The following SCEL variants were observed in gnomAD, a reference collection of about 807,000 sequenced individuals.
SCEL encodes the protein sciellin.
Under a neutral mutation model 117.6 loss-of-function variants are expected in SCEL, and 113 were observed. That is an observed-to-expected ratio of 0.96 (90% CI 0.83 to 1.12). The LOEUF (loss-of-function observed/expected upper bound fraction) is 1.12, where lower values mean the gene tolerates loss of function less well. Ranked by LOEUF, SCEL falls within the 50% of genes most tolerant of loss-of-function variation. SCEL has a pLI of 0.00. For missense variants in SCEL, 785 were observed against 810.8 expected (o/e 0.97, Z 0.39); for synonymous variants, 270 against 256.2 (o/e 1.05, Z -0.51).
At chr13:77,597,373 G>T (rs1467788177) in intron 12 of SCEL, among the ~76,000 whole-genome samples, 172 bp from the exon 13 acceptor site, 1 of 151,970 alleles carries the variant, frequency 6.6e-6, no homozygotes, top group East Asian at 1.9e-4. Context: ...ACTAGGAAAG[G>T]CTTTCTGGAG....
chr13:77,631,881 A>C (rs947022739), intron 28 of SCEL, among the ~76,000 whole-genome samples: 1 of 152,218 alleles, frequency 6.6e-6, no homozygotes, highest in Admixed American at 6.5e-5. Context: ...GACAATGGAC[A>C]TTTATTTTCT....
intron 1 of SCEL, among the ~76,000 whole-genome samples, chr13:77,539,207 A>C (rs2083568177): frequency 6.6e-6 from 1 of 151,926 alleles, no homozygotes; most frequent in Non-Finnish European, 1.5e-5. Context: ...GCAGATAAAA[A>C]GAAAAATTAG....
At chr13:77,641,681 G>A (rs2090563507) in intron 31 of SCEL, among the ~76,000 whole-genome samples, 2 of 152,120 alleles carry the variant, frequency 1.3e-5, no homozygotes, top group South Asian at 4.2e-4. Flanking sequence ...ACAGTCAGTT[G>A]GAGAAACTAT....
At chr13:77,558,558 T>C (rs1241992038) in intron 3 of SCEL, among the ~76,000 whole-genome samples, 1 of 151,886 alleles carries the variant, frequency 6.6e-6, no homozygotes, top group Non-Finnish European at 1.5e-5. Context: ...TCACTCCTGT[T>C]ATCCCAGCAC....
chr13:77,556,494 A>T, intron 2 of SCEL, 102 bp from the exon 3 acceptor site: 1 of 912,676 alleles, frequency 1.1e-6, no homozygotes, highest in South Asian at 1.4e-5. Context: ...GCCCAGATTG[A>T]TGCTGGCCAA....
chr13:77,606,932 AT>A (rs1567410874), intron 19 of SCEL, among the ~76,000 whole-genome samples: 1 of 152,214 alleles, frequency 6.6e-6, no homozygotes, highest in Non-Finnish European at 1.5e-5. Context: ...CAGAAAACAC[AT>A]GTAGATGCAG....
chr13:77,539,775 C>T (rs1034809234), intron 1 of SCEL, among the ~76,000 whole-genome samples: 2 of 152,124 alleles, frequency 1.3e-5, no homozygotes, highest in African/African-American at 4.8e-5. Flanking sequence ...ATCACGTGGT[C>T]TGCCCGCCTC....
At chr13:77,599,413 A>T (rs1038782584) in intron 14 of SCEL, 25 bp downstream of exon 14, 1 of 1,589,106 alleles carries the variant, frequency 6.3e-7, no homozygotes, top group Admixed American at 1.7e-5. Context: ...CTCAAATATG[A>T]AAATCTTACC....
chr13:77,588,606 C>T (rs371189423), intron 9 of SCEL, among the ~76,000 whole-genome samples: 9 of 152,226 alleles, frequency 5.9e-5, no homozygotes, highest in East Asian at 1.9e-4. Flanking sequence ...TTTAGGCTGA[C>T]GGTAGATTGT....
rs1377367203 is a variant in SCEL, at chr13:77,614,181, C to T, written c.1451+226C>T. On this transcript the variant is annotated intron_variant, in intron 24 of 32. Transcript: ENST00000349847. ...CTAAGCCTCCAGTAAAGGAATTGAG[C>T]AGAGCGATTGGACAAATGGGCAGGA... is the stretch of plus-strand genomic sequence containing the variant. Among the ~76,000 whole-genome samples the T allele has an allele frequency of 2.0e-5, 3 of 152,124 alleles. No individual in the cohort carries two copies. In the East Asian group the frequency reaches 5.8e-4, roughly 29 times the overall value.
chr13:77,548,271 G>A (rs951793637), intron 1 of SCEL, among the ~76,000 whole-genome samples: 4 of 152,230 alleles, frequency 2.6e-5, no homozygotes, highest in African/African-American at 9.6e-5. Flanking sequence ...TGACGAAGCT[G>A]GGGACACACA....
intron 29 of SCEL, among the ~76,000 whole-genome samples, chr13:77,636,842 T>C (rs1456695886): frequency 1.3e-5 from 2 of 152,170 alleles, no homozygotes; most frequent in African/African-American, 4.8e-5. Context: ...GAGGTGCAAG[T>C]ATAAATTTCA....
chr13:77,640,095 A>C (rs950731458), intron 30 of SCEL, among the ~76,000 whole-genome samples: 4 of 151,984 alleles, frequency 2.6e-5, no homozygotes, highest in African/African-American at 7.3e-5. Context: ...GGAGGGTATA[A>C]ATTTTGTCAC....
intron 1 of SCEL, among the ~76,000 whole-genome samples, chr13:77,539,541 A>AT (rs890441365): frequency 1.2e-3 from 169 of 145,876 alleles, no homozygotes; most frequent in Middle Eastern, 3.6e-3. Context: ...TTAGAAAATA[A>AT]TTTTTTTTTT....
intron 25 of SCEL, 61 bp downstream of exon 25, chr13:77,617,719 A>G: frequency 6.9e-7 from 1 of 1,459,360 alleles, no homozygotes; most frequent in Non-Finnish European, 9.5e-7. Flanking sequence ...TTTTATTATT[A>G]CTTCAAGCAG....
chr13:77,643,628 C>T (rs910300018), intron 32 of SCEL, among the ~76,000 whole-genome samples: 1 of 152,006 alleles, frequency 6.6e-6, no homozygotes, highest in Non-Finnish European at 1.5e-5. Context: ...CTTGGGACCC[C>T]TACCTGGGAT....
At chr13:77,601,478 G>A in intron 15 of SCEL, among the ~76,000 whole-genome samples, 1 of 152,068 alleles carries the variant, frequency 6.6e-6, no homozygotes, top group East Asian at 1.9e-4. Context: ...GGAAGCTTGG[G>A]GGAATTTAAA....
intron 9 of SCEL, among the ~76,000 whole-genome samples, chr13:77,581,132 A>G (rs983853646): frequency 3.9e-5 from 6 of 152,250 alleles, no homozygotes; most frequent in African/African-American, 1.4e-4. Flanking sequence ...TCAACAAAAA[A>G]ATATTTATAT....
At chr13:77,564,609 G>T (rs1404969524) in intron 5 of SCEL, among the ~76,000 whole-genome samples, 1 of 152,118 alleles carries the variant, frequency 6.6e-6, no homozygotes, top group African/African-American at 2.4e-5. Flanking sequence ...TTTAATAGGA[G>T]TCTTTTGGAC....
Sources: allele counts gnomAD v4.1 joint callset (sites outside exome capture counted in the v4.1 genomes callset), GRCh38; gene constraint gnomAD v4.1.1; transcripts MANE v1.5; gene names NCBI Gene and HGNC (gene_info 2026-07-23, HGNC 2026-07-21).